TRRAP: variants seen among roughly 807,000 people sequenced by gnomAD.
The protein encoded by TRRAP is transformation/transcription domain associated protein.
A neutral mutation model predicts 438.8 loss-of-function variants in TRRAP; 41 were observed. The observed-to-expected ratio is 0.09, with a 90% CI of 0.07 to 0.12. The LOEUF is 0.12. Ranked by LOEUF, TRRAP falls within the 10% of genes least tolerant of loss-of-function variation. TRRAP has a pLI of 1.00. For missense variants in TRRAP, 3,122 were observed against 5,055.1 expected (o/e 0.62, Z 11.60); for synonymous variants, 1,994 against 1,962.9 (o/e 1.02, Z -0.42).
intron 53 of TRRAP, among the ~76,000 whole-genome samples, chr7:98,974,581 G>A (rs1459060325): frequency 6.6e-6 from 1 of 152,184 alleles, no homozygotes; most frequent in African/African-American, 2.4e-5. Flanking sequence ...TGGGGAGCAG[G>A]AGCGGACTGT....
At position 98,956,856 on chromosome 7, in the gene TRRAP, TG is replaced by T; in HGVS notation, c.6231+324del. 6.6e-6 allele frequency among the ~76,000 whole-genome samples: 1 copy of T among 152,348 alleles called. No individual in the cohort carries two copies. Among genetic ancestry groups the T allele is most frequent in the East Asian group, 1.9e-4 (1 of 5,188 alleles). ...ATGTGCCCATACTGAGATCAGTTTC[TG>T]AGAAGGACATGTGTTCTGTTTCACG... On this transcript the variant is annotated intron_variant, in intron 43 of 72. Transcript: ENST00000456197. The surrounding 1 kb of genome is among the most constrained non-coding windows in gnomAD (Gnocchi z 4.5).
Position 98,961,398 on chromosome 7 carries a change from A to C in TRRAP, c.6627A>C (p.Thr2209=). 6.2e-7 allele frequency: 1 copy of C among 1,614,210 alleles called. No homozygotes were observed. Among genetic ancestry groups the C allele is most frequent in the Non-Finnish European group, 8.5e-7 (1 of 1,180,034 alleles). The change falls in exon 46 of 73, where the codon ACA becomes ACC. Residue 2209 remains threonine, a synonymous_variant. Transcript: ENST00000456197. ...PLQRGIAACM[T]CGNTKVLRAV... ...AGCGTGGAATTGCCGCCTGCATGACATGTGGAAACACCAAGGTGTTGCGAG... is the reference window on the plus strand; with the variant it reads ...AGCGTGGAATTGCCGCCTGCATGACCTGTGGAAACACCAAGGTGTTGCGAG...
chr7:98,924,701 AAAAAAG>A (rs1476596849), intron 21 of TRRAP, among the ~76,000 whole-genome samples: 1 of 149,760 alleles, frequency 6.7e-6, no homozygotes, highest in African/African-American at 2.4e-5. Context: ...AAAAAAAAAA[AAAAAAG>A]GTTCTTCTGG....
rs368586455 is a variant in TRRAP, at chr7:98,930,740, C to T, written c.3501C>T (p.Leu1167=). 9.3e-6 allele frequency: 15 copies of T among 1,614,224 alleles called. No individual in the cohort carries two copies. The highest frequency in any genetic ancestry group is 1.7e-5 in the Admixed American group (1 of 60,024). The part of the protein sequence containing the change: ...KLGGVVSIKF[L]MERLPLTWVL... ...GGGGTGTGGTGTCTATTAAGTTTCTCATGGAGCGGCTGCCTCTCACTTGGG... is the reference window on the plus strand; with the variant it reads ...GGGGTGTGGTGTCTATTAAGTTTCTTATGGAGCGGCTGCCTCTCACTTGGG... The change falls in exon 25 of 73, where the codon CTC becomes CTT. Residue 1167 remains leucine, a synonymous_variant. Coordinates refer to ENST00000456197, the MANE Select transcript of TRRAP (RefSeq NM_001375524.1).
In TRRAP at chr7:99,010,862, C is replaced by T. The variant is rs560543933; in HGVS notation, c.10939-190C>T. 3.3e-5 allele frequency among the ~76,000 whole-genome samples: 5 copies of T among 152,294 alleles called. No individual in the cohort carries two copies. The East Asian group carries it at 9.6e-4, about 29-fold the overall frequency. ...GCTTTAGAGCAGACAGTGGCGAACCCTGGAGGGAAACAGCCATCTTGTGCC... is the reference window on the plus strand; with the variant it reads ...GCTTTAGAGCAGACAGTGGCGAACCTTGGAGGGAAACAGCCATCTTGTGCC... On this transcript the variant is annotated intron_variant, in intron 70 of 72. Transcript: ENST00000456197.
chr7:98,994,956 G>T lies in TRRAP; in HGVS notation c.10309+108G>T. 1.4e-6 allele frequency: 2 copies of T among 1,445,566 alleles called. No individual in the cohort carries two copies. The highest frequency in any genetic ancestry group is 1.9e-6 in the Non-Finnish European group (2 of 1,066,394). 89.5% of individuals were successfully genotyped at this position (1,445,566 alleles called of 1,614,324 possible). On this transcript the variant is annotated intron_variant, in intron 67 of 72. Transcript: ENST00000456197. The surrounding 1 kb of genome is among the most constrained non-coding windows in gnomAD (Gnocchi z 4.8). ...TCCTTGGTTTTCTGATCACTGCACG[G>T]GGCACACTGGTTACACTCTGTTTAC...
intron 31 of TRRAP, 26 bp from the exon 32 acceptor site, chr7:98,945,721 A>G: frequency 6.3e-7 from 1 of 1,596,654 alleles, no homozygotes; most frequent in Non-Finnish European, 8.5e-7. Flanking sequence ...AAATAGAAAA[A>G]AGATGATTTT....
In TRRAP at chr7:99,010,914, C is replaced by A. The variant is rs1446140240; in HGVS notation, c.10939-138C>A. The stretch of plus-strand genomic sequence containing the variant: ...CCTCGCCTTCAGTCTCCTAACAATG[C>A]GTGCGTTAAATCTGTCACCAGAATT... On this transcript the variant is annotated intron_variant, in intron 70 of 72. Transcript: ENST00000456197. 3 of 874,296 alleles carry A rather than the reference C, an allele frequency of 3.4e-6. No individual in the cohort carries two copies. In the East Asian group the frequency reaches 8.0e-5, roughly 23 times the overall value. The allele number at this position is 874,296 out of a possible 1,614,324, so 54.2% of individuals were successfully genotyped here.
intron 52 of TRRAP, among the ~76,000 whole-genome samples, chr7:98,971,366 T>C (rs1792412037): frequency 6.6e-6 from 1 of 152,316 alleles, no homozygotes. Flanking sequence ...TGTATTCCTC[T>C]TTGGGAATGG....
In TRRAP at chr7:99,011,619, T is replaced by A; in HGVS notation, c.11337+84T>A. The A allele has an allele frequency of 2.0e-6, 3 of 1,491,792 alleles. No individual in the cohort carries two copies. The highest frequency in any genetic ancestry group is 2.7e-6 in the Non-Finnish European group (3 of 1,105,692). 92.4% of individuals were successfully genotyped at this position (1,491,792 alleles called of 1,614,324 possible). On this transcript the variant is annotated intron_variant, in intron 72 of 72. Transcript: ENST00000456197. The surrounding 1 kb of genome is among the most constrained non-coding windows in gnomAD (Gnocchi z 7.1). The stretch of plus-strand genomic sequence containing the variant: ...GTCACGGCCTTGCAGGAGCTGCTGA[T>A]GTGCCTCACGGGCTCTGCGCTCTCC...
intron 3 of TRRAP, 76 bp downstream of exon 3, chr7:98,882,100 CTT>C: frequency 8.2e-7 from 1 of 1,226,354 alleles, no homozygotes; most frequent in Non-Finnish European, 1.2e-6. Context: ...CTTTGTCAGT[CTT>C]TTTACTAGCA....
intron 12 of TRRAP, among the ~76,000 whole-genome samples, chr7:98,904,476 T>G (rs1430260897): frequency 1.6e-5 from 2 of 122,958 alleles, no homozygotes; most frequent in East Asian, 4.7e-4. Context: ...AGAGCAAGAC[T>G]CTGTCTCAAA....
At chr7:98,922,277 C>T (rs987283836) in intron 21 of TRRAP, among the ~76,000 whole-genome samples, 2 of 152,200 alleles carry the variant, frequency 1.3e-5, no homozygotes, top group Admixed American at 6.5e-5. Flanking sequence ...TGTCTGTCTT[C>T]GCAGCCACAC....
chr7:98,946,446 C>T (rs1219544768), intron 33 of TRRAP, among the ~76,000 whole-genome samples: 1 of 151,480 alleles, frequency 6.6e-6, no homozygotes, highest in African/African-American at 2.4e-5. Context: ...CACCGATGCA[C>T]TCACAACACG....
At chr7:98,887,176 T>C (rs1484844719) in intron 3 of TRRAP, among the ~76,000 whole-genome samples, 1 of 152,156 alleles carries the variant, frequency 6.6e-6, no homozygotes, top group Non-Finnish European at 1.5e-5. Context: ...CACCTTGTCT[T>C]CCTAAATAAA....
intron 63 of TRRAP, among the ~76,000 whole-genome samples, chr7:98,990,104 T>C (rs1362279316): frequency 6.6e-6 from 1 of 152,126 alleles, no homozygotes; most frequent in Non-Finnish European, 1.5e-5. Flanking sequence ...GGTGTGTGCC[T>C]GTAGTCCCAG....
intron 33 of TRRAP, among the ~76,000 whole-genome samples, chr7:98,946,612 A>T (rs1262152911): frequency 1.3e-5 from 2 of 151,298 alleles, no homozygotes; most frequent in African/African-American, 4.9e-5. Flanking sequence ...ATATGCACAC[A>T]CACCACACAT....
intron 31 of TRRAP, among the ~76,000 whole-genome samples, chr7:98,944,756 A>G (rs1790967291): frequency 6.6e-6 from 1 of 152,208 alleles, no homozygotes; most frequent in Non-Finnish European, 1.5e-5. Flanking sequence ...AGACACTATA[A>G]TTGAAGATAT....
In TRRAP at chr7:98,971,948, C is replaced by G. The variant is rs1172378858; in HGVS notation, c.7839+3C>G. The G allele has an allele frequency of 1.2e-6, 2 of 1,613,072 alleles. No homozygotes were observed. Among genetic ancestry groups the G allele is most frequent in the Non-Finnish European group, 1.7e-6 (2 of 1,179,640 alleles). On this transcript the variant is annotated splice_donor_region_variant and intron_variant, in intron 53 of 72. Transcript: ENST00000456197. ...TGGACACTCTCCGAGAGGTGAAGGT[C>G]TGTACGCAGCTTGGAAAGGATTCGT... is the stretch of plus-strand genomic sequence containing the variant.
Sources: allele counts gnomAD v4.1 joint callset (sites outside exome capture counted in the v4.1 genomes callset), GRCh38; gene constraint gnomAD v4.1.1; non-coding constraint Gnocchi (gnomAD v3.1); transcripts MANE v1.5; gene names NCBI Gene and HGNC (gene_info 2026-07-23, HGNC 2026-07-21).